The following NLRC4 variants were observed in gnomAD, a reference collection of about 807,000 sequenced individuals.
The protein encoded by NLRC4 is NLR family CARD domain containing 4.
A neutral mutation model predicts 79.9 loss-of-function variants in NLRC4; 63 were observed. The observed-to-expected ratio is 0.79, with a 90% confidence interval of 0.64 to 0.97. NLRC4 has a LOEUF of 0.97. NLRC4 is among the 50% of genes least tolerant of loss of function. The pLI is 0.00. For synonymous variants in NLRC4, 461 were observed against 456.5 expected (o/e 1.01, Z -0.12); for missense variants, 1,074 against 1,215.2 (o/e 0.88, Z 1.73).
chr2:32,261,362 A>G (rs1687346830), intron 1 of NLRC4, among the ~76,000 whole-genome samples: 1 of 89,042 alleles, frequency 1.1e-5, no homozygotes, highest in African/African-American at 4.5e-5. Context: ...GCCAGGCTGG[A>G]GTGCAGTGGT....
chr2:32,247,463 T>C lies in NLRC4; in HGVS notation c.2257+2144A>G, dbSNP rs553582509. Among the ~76,000 whole-genome samples the C allele has an allele frequency of 4.6e-5, 7 of 151,516 alleles. No individual in the cohort carries two copies. The East Asian group carries it at 7.8e-4, about 17-fold the overall frequency. ...CCGAGTAGCTGGGACTACAGGCATG[T>C]GCCACCACGCCCGGCTAATTTTGTA... On this transcript the variant is annotated intron_variant, in intron 4 of 8. Transcript: ENST00000402280.
intron 4 of NLRC4, among the ~76,000 whole-genome samples, chr2:32,246,785 TTTTC>T (rs1369634105): frequency 1.3e-5 from 2 of 152,222 alleles, no homozygotes; most frequent in African/African-American, 4.8e-5. Context: ...TCATTCTTCT[TTTTC>T]TTTTCTTTTT....
intron 4 of NLRC4, among the ~76,000 whole-genome samples, chr2:32,244,179 A>C (rs1686875706): frequency 2.0e-5 from 3 of 151,964 alleles, no homozygotes; most frequent in South Asian, 4.2e-4. Context: ...GAGCCCAGGA[A>C]GTCAAGGCTA....
At chr2:32,245,461 T>C (rs904637489) in intron 4 of NLRC4, among the ~76,000 whole-genome samples, 1 of 152,010 alleles carries the variant, frequency 6.6e-6, no homozygotes, top group Non-Finnish European at 1.5e-5. Flanking sequence ...AGAAGGATGG[T>C]TACCAGAGGC....
At chr2:32,248,998 G>A (rs1687002593) in intron 4 of NLRC4, among the ~76,000 whole-genome samples, 1 of 152,174 alleles carries the variant, frequency 6.6e-6, no homozygotes, top group Non-Finnish European at 1.5e-5. Flanking sequence ...CTGATCAGAG[G>A]ACCACCAACC....
chr2:32,256,185 CTT>C (rs1333278304), intron 2 of NLRC4, among the ~76,000 whole-genome samples: 1 of 152,082 alleles, frequency 6.6e-6, no homozygotes, highest in Non-Finnish European at 1.5e-5. Context: ...CAGAATATCT[CTT>C]TGTCTAGACC....
chr2:32,253,075 A>T (rs954955246), intron 2 of NLRC4, among the ~76,000 whole-genome samples: 8 of 152,018 alleles, frequency 5.3e-5, no homozygotes, highest in Non-Finnish European at 1.2e-4. Flanking sequence ...AGGGCCATGC[A>T]TTTTTTTCCT....
intron 1 of NLRC4, among the ~76,000 whole-genome samples, chr2:32,258,108 T>G (rs1260590683): frequency 6.6e-6 from 1 of 152,056 alleles, no homozygotes; most frequent in Non-Finnish European, 1.5e-5. Flanking sequence ...GCAGATGGGG[T>G]AGCCAGAAGG....
At chr2:32,233,149 G>GA (rs1398778420) in intron 8 of NLRC4, among the ~76,000 whole-genome samples, 5 of 37,426 alleles carry the variant, frequency 1.3e-4, no homozygotes, top group Admixed American at 2.3e-4. Context: ...AGGAAGGAAG[G>GA]AAGGAAGGAA....
chr2:32,263,071 A>C (rs1459667259), intron 1 of NLRC4, among the ~76,000 whole-genome samples: 1 of 152,182 alleles, frequency 6.6e-6, no homozygotes, highest in Non-Finnish European at 1.5e-5. Context: ...AAAAGGTTAC[A>C]TGAGCTCCTC....
At chr2:32,224,793 G>T in intron 8 of NLRC4, 28 bp from the exon 9 acceptor site, 7 of 1,255,098 alleles carry the variant, frequency 5.6e-6, no homozygotes, top group Admixed American at 3.0e-5. Flanking sequence ...TATATTAGTT[G>T]GAAGAAAAAT....
chr2:32,250,096 T>C lies in NLRC4; in HGVS notation c.1768A>G (p.Asn590Asp). The change falls in exon 4 of 9, where the codon AAC becomes GAC. Residue 590 changes from asparagine to aspartate, a missense_variant. By Grantham distance (23) the Asn-to-Asp change is conservative. Transcript: ENST00000402280. The surrounding 1 kb of genome is among the most constrained non-coding windows in gnomAD (Gnocchi z 4.9). ...AAGTCAAATAAGTAATCGGGGATGT[T>C]CCCTGAGTTGATATATAAGCTTTTA... ...QGKSLYINSGNIPDYLFDFFE... is the reference protein window; with the variant it reads ...QGKSLYINSGDIPDYLFDFFE... 1 of 1,614,214 alleles carries C rather than the reference T, an allele frequency of 6.2e-7. No individual in the cohort carries two copies. Among genetic ancestry groups the C allele is most frequent in the Non-Finnish European group, 8.5e-7 (1 of 1,180,004 alleles).
chr2:32,238,160 G>T lies in NLRC4; in HGVS notation c.2493C>A (p.Cys831Ter). 6.2e-7 allele frequency: 1 copy of T among 1,613,514 alleles called. No individual in the cohort carries two copies. The part of the protein sequence containing the change: ...DLEEIQLVSC[C>*]LSANAVKILA... ...GGATTTTCACTGCATTTGCAGACAA[G>T]CAGCAGGAGACTAATTGAATTTCTT... Residue 831 changes from cysteine to a stop codon, truncating the protein, a stop_gained, in exon 6 of 9, where the codon TGC becomes TGA. Coordinates refer to ENST00000402280, the MANE Select transcript of NLRC4 (RefSeq NM_001199138.2). LOFTEE classifies it high-confidence loss of function.
chr2:32,242,103 G>A (rs1424228327), intron 4 of NLRC4, among the ~76,000 whole-genome samples: 1 of 152,130 alleles, frequency 6.6e-6, no homozygotes, highest in African/African-American at 2.4e-5. Flanking sequence ...GGACTCCTGA[G>A]CACAAGTGAT....
In NLRC4 at chr2:32,225,264, T is replaced by G. The variant is rs184823579; in HGVS notation, c.2783-499A>C. 9.1e-4 allele frequency among the ~76,000 whole-genome samples: 139 copies of G among 152,234 alleles called. 2 individuals carry two copies. The South Asian group carries it at 0.017, about 19-fold the overall frequency. On this transcript the variant is annotated intron_variant, in intron 8 of 8. Transcript: ENST00000402280. ...ATTTGGGTGTTTTTGTTTACCTGTT[T>G]ATGTATAACCCTCCCGAGCCTCTTC...
At chr2:32,232,327 G>A (rs978278021) in intron 8 of NLRC4, among the ~76,000 whole-genome samples, 1 of 152,108 alleles carries the variant, frequency 6.6e-6, no homozygotes, top group Non-Finnish European at 1.5e-5. Context: ...AAATTTGTCA[G>A]TATGAACTTG....
chr2:32,231,045 T>C (rs1686521005), intron 8 of NLRC4, among the ~76,000 whole-genome samples: 1 of 152,232 alleles, frequency 6.6e-6, no homozygotes, highest in Non-Finnish European at 1.5e-5. Flanking sequence ...TTATGTTTTC[T>C]GCTATTTATT....
rs1016994681 is a variant in NLRC4, at chr2:32,250,543, A to G, written c.1321T>C (p.Phe441Leu). 1.9e-6 allele frequency: 3 copies of G among 1,614,190 alleles called. No homozygotes were observed. The highest frequency in any genetic ancestry group is 2.5e-6 in the Non-Finnish European group (3 of 1,180,028). ...TAQRFKPKYK[F>L]FHKSFQEYTA... ...TACTCCTGGAATGACTTGTGAAAGA[A>G]TTTATACTTTGGCTTGAACCTTTGA... is the stretch of plus-strand genomic sequence containing the variant. The change falls in exon 4 of 9, where the codon TTC becomes CTC. Residue 441 changes from phenylalanine to leucine, a missense_variant. Transcript: ENST00000402280. The surrounding 1 kb of genome is among the most constrained non-coding windows in gnomAD (Gnocchi z 4.9).
chr2:32,234,727 A>C (rs1686632505), intron 8 of NLRC4, among the ~76,000 whole-genome samples: 1 of 152,216 alleles, frequency 6.6e-6, no homozygotes, highest in South Asian at 2.1e-4. Context: ...CTTGCCAACC[A>C]TGTGAGAAGC....
Sources: gnomAD v4.1 joint callset for allele counts (sites outside exome capture counted in the v4.1 genomes callset) on GRCh38, gnomAD v4.1.1 for gene constraint, Gnocchi (gnomAD v3.1) non-coding constraint, MANE v1.5 for transcripts, NCBI Gene and HGNC (gene_info 2026-07-23, HGNC 2026-07-21) for gene names.